The following GALNT9 variants were observed in gnomAD, a reference collection of about 807,000 sequenced individuals.
GALNT9 encodes GalNAc transferase 9.
In GALNT9, 47 loss-of-function variants were observed where a neutral mutation model predicts 63.1. That is an observed-to-expected ratio of 0.75 (90% CI 0.59 to 0.95). The LOEUF (loss-of-function observed/expected upper bound fraction) is 0.95. Ranked by LOEUF, GALNT9 falls within the 40% of genes least tolerant of loss-of-function variation. GALNT9 has a pLI of 0.00. For missense variants in GALNT9, 829 were observed against 874.8 expected (o/e 0.95, Z 0.66); for synonymous variants, 396 against 365.7 (o/e 1.08, Z -0.94).
At position 132,306,101 on chromosome 12, in the gene GALNT9, G is replaced by A. The variant is rs559872912; in HGVS notation, c.239-19671C>T. 1.1e-4 allele frequency among the ~76,000 whole-genome samples: 16 copies of A among 152,346 alleles called. No individual in the cohort carries two copies. In the East Asian group the frequency reaches 2.7e-3, roughly 26 times the overall value. On this transcript the variant is annotated intron_variant, in intron 1 of 10. Transcript: ENST00000328957. ...ACCTGGGAGCCTGTGGGGACCACAC[G>A]TTCTTGAGACCCTCCCCAAACCTGC... is the stretch of plus-strand genomic sequence containing the variant.
At chr12:132,307,602 G>A (rs1881660367) in intron 1 of GALNT9, among the ~76,000 whole-genome samples, 1 of 151,838 alleles carries the variant, frequency 6.6e-6, no homozygotes, top group Non-Finnish European at 1.5e-5. Flanking sequence ...GGGAGGCCAA[G>A]GCGGGTGGAT....
chr12:132,262,752 CCAGGAGCCA>C (rs1879450871), intron 2 of GALNT9, 127 bp from the exon 3 acceptor site: 1 of 1,419,956 alleles, frequency 7.0e-7, no homozygotes, highest in African/African-American at 1.5e-5. Flanking sequence ...ATGAGGGACC[CCAGGAGCCA>C]TAGCTCATCT....
intron 1 of GALNT9, 41 bp downstream of exon 1, chr12:132,328,925 G>T (rs1462529995): frequency 3.4e-6 from 5 of 1,476,508 alleles, no homozygotes; most frequent in East Asian, 5.1e-5. Context: ...CCACTGTCCC[G>T]GGCAGGGCTG....
intron 6 of GALNT9, among the ~76,000 whole-genome samples, chr12:132,219,094 C>G (rs183865569): frequency 6.6e-6 from 1 of 152,118 alleles, no homozygotes; most frequent in Non-Finnish European, 1.5e-5. Context: ...GCTTCTCACC[C>G]GGTCCCACCC....
chr12:132,217,978 C>G (rs1302744596), intron 6 of GALNT9, among the ~76,000 whole-genome samples: 1 of 151,478 alleles, frequency 6.6e-6, no homozygotes, highest in Non-Finnish European at 1.5e-5. Flanking sequence ...ACCCACTCAC[C>G]ACTCATCCAT....
Position 132,267,929 on chromosome 12 carries a change from G to GCA in GALNT9, c.420-5306_420-5305dup, listed in dbSNP as rs373594471. On this transcript the variant is annotated intron_variant, in intron 2 of 10. Transcript: ENST00000328957. ...CAAATCCACATGCACTCACACACAT[G>GCA]CACACACACACGCACTCACATACAG... Among the ~76,000 whole-genome samples, 1,207 of 128,208 alleles carry GCA rather than the reference G, an allele frequency of 9.4e-3. 16 individuals are homozygous for GCA. The highest frequency in any genetic ancestry group is 0.032 in the African/African-American group (1,027 of 31,960). The allele number at this position is 128,208 out of a possible 152,430, so 84.1% of individuals were successfully genotyped here.
intron 5 of GALNT9, among the ~76,000 whole-genome samples, chr12:132,257,114 C>A (rs1879150499): frequency 6.6e-6 from 1 of 152,316 alleles, no homozygotes; most frequent in South Asian, 2.1e-4. Flanking sequence ...GCATCCAGAG[C>A]CTGCCAAAAA....
intron 1 of GALNT9, among the ~76,000 whole-genome samples, chr12:132,301,366 C>T (rs550797786): frequency 5.3e-5 from 8 of 152,370 alleles, no homozygotes; most frequent in South Asian, 2.1e-4. Context: ...TTCCACTCCG[C>T]GCCCTGTTTC....
chr12:132,323,391 C>T (rs1259081591), intron 1 of GALNT9, among the ~76,000 whole-genome samples: 1 of 152,168 alleles, frequency 6.6e-6, no homozygotes, highest in Non-Finnish European at 1.5e-5. Context: ...TCTGCTCCGC[C>T]CCAAGGGAAG....
At chr12:132,283,027 C>T (rs1880422650) in intron 2 of GALNT9, 1 of 152,296 alleles carries the variant, frequency 6.6e-6, no homozygotes, top group Non-Finnish European at 1.5e-5. Flanking sequence ...GAAAACGAAC[C>T]TCGGGGGGAC....
rs973367073 is a variant in GALNT9 at position 132,203,506 on chromosome 12, G to A, written c.1262C>T (p.Ser421Leu). 9 of 1,613,336 alleles carry A rather than the reference G, an allele frequency of 5.6e-6. No individual in the cohort carries two copies. The highest frequency in any genetic ancestry group is 7.6e-6 in the Non-Finnish European group (9 of 1,179,526). Residue 421 changes from serine to leucine, a missense_variant and splice_region_variant, in exon 7 of 11, where the codon TCG becomes TTG. Coordinates refer to ENST00000328957, the MANE Select transcript of GALNT9 (RefSeq NM_001122636.2). ...GCTCCCGGCCTGTGGGGGACTCACCGACATGGGGATGTTCCAGGCCATGTA... is the reference window on the plus strand; with the variant it reads ...GCTCCCGGCCTGTGGGGGACTCACCAACATGGGGATGTTCCAGGCCATGTA... ...HVYMAWNIPM[S>L]NPGVDFGDVS... is the part of the protein sequence containing the mutation.
intron 2 of GALNT9, among the ~76,000 whole-genome samples, chr12:132,270,896 G>A (rs112818626): frequency 2.6e-5 from 4 of 152,262 alleles, no homozygotes; most frequent in African/African-American, 9.6e-5. Flanking sequence ...TGGGAGAGGA[G>A]ACAGGAGGCA....
chr12:132,275,495 G>A (rs1435117044), intron 2 of GALNT9: 1 of 152,290 alleles, frequency 6.6e-6, no homozygotes, highest in East Asian at 1.9e-4. Context: ...CTGGCCCGAT[G>A]ATATCGCCTG....
At chr12:132,247,791 GC>G (rs1167143461) in intron 6 of GALNT9, 118 bp downstream of exon 6, 1 of 1,293,376 alleles carries the variant, frequency 7.7e-7, no homozygotes, top group East Asian at 2.5e-5. Context: ...GGACGCTGCA[GC>G]CACACTCGCC....
At position 132,252,251 on chromosome 12, in the gene GALNT9, C is replaced by T. The variant is rs974127103; in HGVS notation, c.960-4224G>A. ...GAGGCCTCCAAAGATGAGCCACAGGCGGCTGTGAACGCAGGAAGGGCAGAG... is the reference window on the plus strand; with the variant it reads ...GAGGCCTCCAAAGATGAGCCACAGGTGGCTGTGAACGCAGGAAGGGCAGAG... On this transcript the variant is annotated intron_variant, in intron 5 of 10. Transcript: ENST00000328957. The surrounding 1 kb of genome is among the most constrained non-coding windows in gnomAD (Gnocchi z 5.2). 2.6e-5 allele frequency among the ~76,000 whole-genome samples: 4 copies of T among 152,176 alleles called. No individual in the cohort carries two copies. The highest frequency in any genetic ancestry group is 6.5e-5 in the Admixed American group (1 of 15,272).
chr12:132,271,275 T>C (rs1194666747), intron 2 of GALNT9, among the ~76,000 whole-genome samples: 3 of 150,302 alleles, frequency 2.0e-5, no homozygotes, highest in African/African-American at 7.4e-5. Flanking sequence ...CTGCCAGGGC[T>C]CGAGGGTGGG....
At chr12:132,206,646 CAAA>C (rs34047036) in intron 6 of GALNT9, among the ~76,000 whole-genome samples, 6,859 of 135,690 alleles carry the variant, frequency 0.051, 198 homozygotes, top group Middle Eastern at 0.11. Context: ...GACTCCGTCT[CAAA>C]AAAAAAAAAA....
Position 132,197,924 on chromosome 12 carries a change from C to T in GALNT9, c.1533G>A (p.Leu511=), listed in dbSNP as rs1170367104. Residue 511 remains leucine (L), a synonymous_variant, in exon 10 of 11, where the codon CTG becomes CTA. Transcript: ENST00000328957. ...AGAAGGCTGTGGAGCCCAGAGGCCC[C>T]AGCTGCAGCAGTCCATCAGCGCTGT... The part of the protein sequence containing the change: ...VRYSADGLLQ[L]GPLGSTAFLP... 3.7e-6 allele frequency: 6 copies of T among 1,611,792 alleles called. No homozygotes were observed. Among genetic ancestry groups the T allele is most frequent in the South Asian group, 1.1e-5 (1 of 90,786 alleles).
intron 6 of GALNT9, among the ~76,000 whole-genome samples, chr12:132,222,040 A>C (rs1299852493): frequency 2.6e-5 from 4 of 152,156 alleles, no homozygotes; most frequent in Non-Finnish European, 5.9e-5. Flanking sequence ...GGATTGGGTA[A>C]GCCTGTGACG....
Sources: allele counts gnomAD v4.1 joint callset (sites outside exome capture counted in the v4.1 genomes callset), GRCh38; gene constraint gnomAD v4.1.1; non-coding constraint Gnocchi (gnomAD v3.1); transcripts MANE v1.5; gene names NCBI Gene and HGNC (gene_info 2026-07-23, HGNC 2026-07-21).